The following SHISA6 variants were observed in gnomAD, a reference collection of about 807,000 sequenced individuals.
SHISA6 encodes the protein protein shisa-6.
Under a neutral mutation model 47.9 loss-of-function variants are expected in SHISA6, and 22 were observed. That is an observed-to-expected ratio of 0.46 (90% CI 0.33 to 0.66). The LOEUF (loss-of-function observed/expected upper bound fraction) is 0.66. Ranked by LOEUF, SHISA6 falls within the 30% of genes least tolerant of loss-of-function variation. SHISA6 has a pLI of 0.02. For missense variants in SHISA6, 680 were observed against 764.6 expected (o/e 0.89, Z 1.30); for synonymous variants, 388 against 337.8 (o/e 1.15, Z -1.63).
At chr17:11,301,691 A>G (rs1463831282) in intron 2 of SHISA6, among the ~76,000 whole-genome samples, 1 of 152,082 alleles carries the variant, frequency 6.6e-6, no homozygotes, top group Non-Finnish European at 1.5e-5. Context: ...CCTGCAATCT[A>G]GGTGTGTCCT....
chr17:11,521,017 A>C (rs1017454765), intron 3 of SHISA6, among the ~76,000 whole-genome samples: 6 of 152,192 alleles, frequency 3.9e-5, no homozygotes, highest in African/African-American at 1.2e-4. Context: ...GACGCGCAAT[A>C]AATACTTGCT....
chr17:11,304,985 T>A (rs774566803), intron 2 of SHISA6, among the ~76,000 whole-genome samples: 12 of 152,172 alleles, frequency 7.9e-5, no homozygotes, highest in Non-Finnish European at 1.5e-4. Context: ...TGTTCCGATT[T>A]TTATGTGGTT....
Position 11,405,054 on chromosome 17 carries a change from A to G in SHISA6, c.895+25545A>G, listed in dbSNP as rs536733585. 5.9e-5 allele frequency among the ~76,000 whole-genome samples: 9 copies of G among 152,270 alleles called. No individual in the cohort carries two copies. In the South Asian group the frequency reaches 1.9e-3, roughly 32 times the overall value. On this transcript the variant is annotated intron_variant, in intron 3 of 5. Coordinates refer to ENST00000441885, the MANE Select transcript of SHISA6 (RefSeq NM_207386.4). ...GAGCGAGACAGTAGTTTCTGACCCC[A>G]GTTGCAAATCTGACTCAGCAAAACT...
At chr17:11,297,375 C>G (rs1909788224) in intron 2 of SHISA6, among the ~76,000 whole-genome samples, 1 of 152,128 alleles carries the variant, frequency 6.6e-6, no homozygotes, top group African/African-American at 2.4e-5. Flanking sequence ...GATAATTGTT[C>G]TAGAACTGGA....
chr17:11,387,226 T>C (rs1913225948), intron 3 of SHISA6, among the ~76,000 whole-genome samples: 1 of 152,066 alleles, frequency 6.6e-6, no homozygotes, highest in Admixed American at 6.5e-5. Context: ...AATAATGCTG[T>C]TGGGGACTGG....
At chr17:11,390,295 A>G (rs936639532) in intron 3 of SHISA6, among the ~76,000 whole-genome samples, 1 of 152,158 alleles carries the variant, frequency 6.6e-6, no homozygotes, top group Non-Finnish European at 1.5e-5. Context: ...TCATCTATAT[A>G]ATAGGGTAAC....
intron 3 of SHISA6, among the ~76,000 whole-genome samples, chr17:11,441,601 G>A (rs549447401): frequency 6.6e-6 from 1 of 152,314 alleles, no homozygotes; most frequent in Non-Finnish European, 1.5e-5. Context: ...CCATTTTGCA[G>A]TTCTACTGAG....
At chr17:11,249,374 C>G (rs1454409115) in intron 1 of SHISA6, among the ~76,000 whole-genome samples, 2 of 151,938 alleles carry the variant, frequency 1.3e-5, no homozygotes, top group African/African-American at 2.4e-5. Context: ...TGGGTTGGCC[C>G]CCTGCATAGA....
At chr17:11,270,564 G>C (rs1000766471) in intron 2 of SHISA6, among the ~76,000 whole-genome samples, 1 of 152,154 alleles carries the variant, frequency 6.6e-6, no homozygotes, top group Non-Finnish European at 1.5e-5. Flanking sequence ...AATATTTTAG[G>C]CTCTGCAGGC....
At chr17:11,376,724 C>G (rs545933229) in intron 2 of SHISA6, among the ~76,000 whole-genome samples, 2 of 152,216 alleles carry the variant, frequency 1.3e-5, no homozygotes, top group Admixed American at 1.3e-4. Context: ...AGACCTTGAC[C>G]CTGGGTCCAG....
chr17:11,311,442 A>G (rs370601113), intron 2 of SHISA6, among the ~76,000 whole-genome samples: 5 of 152,158 alleles, frequency 3.3e-5, no homozygotes, highest in African/African-American at 1.2e-4. Flanking sequence ...TGGCTATACT[A>G]GTAAAATGCA....
At chr17:11,480,949 A>G (rs1469648229) in intron 3 of SHISA6, among the ~76,000 whole-genome samples, 4 of 152,188 alleles carry the variant, frequency 2.6e-5, no homozygotes, top group Non-Finnish European at 5.9e-5. Flanking sequence ...TAAAAACATG[A>G]ACATGGCATT....
intron 2 of SHISA6, 91 bp downstream of exon 2, chr17:11,263,617 G>C: frequency 2.1e-6 from 3 of 1,458,450 alleles, no homozygotes; most frequent in Non-Finnish European, 1.9e-6. Flanking sequence ...TGTGGACCAT[G>C]ATGGTGTGAT....
At chr17:11,532,408 C>A (rs770172223) in intron 3 of SHISA6, among the ~76,000 whole-genome samples, 1 of 152,204 alleles carries the variant, frequency 6.6e-6, no homozygotes, top group Non-Finnish European at 1.5e-5. Flanking sequence ...AGCATAGATC[C>A]TTGTTTCTTT....
chr17:11,249,666 C>T (rs1261020025), intron 1 of SHISA6, among the ~76,000 whole-genome samples: 1 of 152,180 alleles, frequency 6.6e-6, no homozygotes, highest in African/African-American at 2.4e-5. Flanking sequence ...CACGGTCCCT[C>T]TCTTGAAAGT....
intron 2 of SHISA6, among the ~76,000 whole-genome samples, chr17:11,335,791 A>G (rs967016180): frequency 5.3e-5 from 8 of 152,202 alleles, no homozygotes; most frequent in Admixed American, 2.0e-4. Context: ...TGGGCATACC[A>G]TGGAACCTGT....
intron 3 of SHISA6, among the ~76,000 whole-genome samples, chr17:11,551,072 C>T (rs2071928165): frequency 2.0e-5 from 3 of 152,324 alleles, no homozygotes; most frequent in South Asian, 2.1e-4. Context: ...GCCTCCTCTT[C>T]CCTTTGCTTT....
At chr17:11,354,535 G>C (rs1183343062) in intron 2 of SHISA6, among the ~76,000 whole-genome samples, 2 of 152,226 alleles carry the variant, frequency 1.3e-5, no homozygotes, top group Non-Finnish European at 2.9e-5. Context: ...GCATAGAGCA[G>C]TTGGGAGTAA....
At chr17:11,514,283 T>C (rs1423155998) in intron 3 of SHISA6, among the ~76,000 whole-genome samples, 1 of 152,230 alleles carries the variant, frequency 6.6e-6, no homozygotes, top group African/African-American at 2.4e-5. Context: ...TTGTTTTGTT[T>C]TGTCTTCCCA....
Sources: allele counts gnomAD v4.1 joint callset (sites outside exome capture counted in the v4.1 genomes callset), GRCh38; gene constraint gnomAD v4.1.1; transcripts MANE v1.5; gene names NCBI Gene and HGNC (gene_info 2026-07-23, HGNC 2026-07-21).